Variants in FIG4 observed in about 807,000 individuals in gnomAD.
The protein encoded by FIG4 is polyphosphoinositide phosphatase.
A neutral mutation model predicts 118.6 loss-of-function variants in FIG4; 112 were observed. The ratio of observed to expected loss-of-function variants is 0.94; its 90% CI spans 0.81 to 1.11. FIG4 has a LOEUF of 1.11. FIG4 is among the 50% of genes least tolerant of loss of function. The probability of loss-of-function intolerance (pLI) is 0.00; values close to 1 mark genes in which losing one functional copy is unlikely to be tolerated. For synonymous variants in FIG4, 369 were observed against 381.2 expected, an observed-to-expected ratio of 0.97 and a Z score of 0.37; for missense variants, 969 against 1,111.7, an observed-to-expected ratio of 0.87 and a Z score of 1.83.
chr6:109,738,620 A>G (rs1776232878), intron 7 of FIG4, among the ~76,000 whole-genome samples, 167 bp downstream of exon 7: 1 of 152,184 alleles, frequency 6.6e-6, no homozygotes, highest in Non-Finnish European at 1.5e-5. Flanking sequence ...AATGCAGACT[A>G]TTTGAACAGG....
chr6:109,797,434 A>T (rs1348813582), intron 22 of FIG4, among the ~76,000 whole-genome samples: 3 of 152,208 alleles, frequency 2.0e-5, no homozygotes, highest in Non-Finnish European at 4.4e-5. Flanking sequence ...ATGTACACAA[A>T]GTGCTTAGAG....
intron 18 of FIG4, 108 bp from the exon 19 acceptor site, chr6:109,789,486 A>T: frequency 1.2e-6 from 1 of 825,784 alleles, no homozygotes; most frequent in South Asian, 1.4e-5. Context: ...GTAATATGTA[A>T]CTCCTAGAGT....
At position 109,691,510 on chromosome 6, in the gene FIG4, C is replaced by T; in HGVS notation, c.66+9C>T. ...TGTATGAGACTAGAGCTGTGAGTACCCCCTCGCGGCGGGGCGCAGGCGGGA... is the reference window on the plus strand; with the variant it reads ...TGTATGAGACTAGAGCTGTGAGTACTCCCTCGCGGCGGGGCGCAGGCGGGA... On this transcript the variant is annotated intron_variant, in intron 1 of 22. Transcript: ENST00000230124. 2 of 1,569,292 alleles carry T rather than the reference C, an allele frequency of 1.3e-6. No homozygotes were observed. Among genetic ancestry groups the T allele is most frequent in the Non-Finnish European group, 8.6e-7 (1 of 1,156,596 alleles).
chr6:109,695,228 G>A (rs990272735), intron 1 of FIG4, among the ~76,000 whole-genome samples: 1 of 152,132 alleles, frequency 6.6e-6, no homozygotes, highest in African/African-American at 2.4e-5. Flanking sequence ...AAGAACCGAG[G>A]GTCCTGGGAA....
intron 21 of FIG4, among the ~76,000 whole-genome samples, 169 bp from the exon 22 acceptor site, chr6:109,796,596 G>A (rs773898892): frequency 1.6e-4 from 25 of 152,268 alleles, no homozygotes; most frequent in Non-Finnish European, 3.1e-4. Context: ...CTTTTAACAA[G>A]CCCACTTTAA....
chr6:109,701,481 A>G (rs570518996), intron 1 of FIG4, among the ~76,000 whole-genome samples: 2 of 152,386 alleles, frequency 1.3e-5, no homozygotes, highest in South Asian at 4.1e-4. Flanking sequence ...TGACCATTTC[A>G]TAACAAAGAA....
chr6:109,712,641 A>G (rs1485157185), intron 1 of FIG4, among the ~76,000 whole-genome samples: 1 of 152,160 alleles, frequency 6.6e-6, no homozygotes, highest in African/African-American at 2.4e-5. Flanking sequence ...ATGTTTTATC[A>G]TGATTTTTAG....
intron 10 of FIG4, among the ~76,000 whole-genome samples, chr6:109,744,492 G>A (rs967741336): frequency 4.6e-5 from 7 of 151,984 alleles, no homozygotes; most frequent in Non-Finnish European, 1.0e-4. Context: ...CAAGGGTGTT[G>A]TTATGTTATG....
chr6:109,789,455 T>C lies in FIG4; in HGVS notation c.2097-139T>C, dbSNP rs138373112. 5.3e-5 allele frequency: 37 copies of C among 700,376 alleles called. No homozygotes were observed. The East Asian group carries it at 8.2e-4, about 16-fold the overall frequency. 43.4% of individuals were successfully genotyped at this position (700,376 alleles called of 1,614,324 possible). A position where few individuals can be genotyped will look rare whatever the true frequency, so the allele number is the denominator to read the frequency against. ...CTGTTAATTCATGGTTTTATGTCCC[T>C]GACAAGTTGGCTCAGAATATGTAAT... On this transcript the variant is annotated intron_variant, in intron 18 of 22. Transcript: ENST00000230124.
intron 3 of FIG4, among the ~76,000 whole-genome samples, chr6:109,725,837 C>G (rs1266993578): frequency 6.6e-6 from 1 of 152,182 alleles, no homozygotes; most frequent in Non-Finnish European, 1.5e-5. Flanking sequence ...ATTTGCATTT[C>G]TTTAATGATA....
intron 22 of FIG4, among the ~76,000 whole-genome samples, chr6:109,803,322 ATTCT>A (rs1407092666): frequency 2.6e-5 from 4 of 152,216 alleles, no homozygotes; most frequent in African/African-American, 9.6e-5. Context: ...GAGATGGGGT[ATTCT>A]TTTACAAAGG....
intron 20 of FIG4, among the ~76,000 whole-genome samples, chr6:109,792,227 G>C (rs1396147172): frequency 6.6e-6 from 1 of 152,168 alleles, no homozygotes. Flanking sequence ...ATGTGACTAC[G>C]TTTGCACTAT....
At chr6:109,822,411 A>G (rs1264737559) in intron 22 of FIG4, among the ~76,000 whole-genome samples, 1 of 152,170 alleles carries the variant, frequency 6.6e-6, no homozygotes, top group Non-Finnish European at 1.5e-5. Context: ...TAGTTTTTCT[A>G]TGATAAATAT....
intron 2 of FIG4, among the ~76,000 whole-genome samples, chr6:109,715,504 C>T (rs12204548): frequency 0.34 from 51,643 of 151,916 alleles, 9,320 homozygotes; most frequent in South Asian, 0.44. Context: ...GCCAAAGAGA[C>T]GATCTGTTAT....
chr6:109,717,209 G>A (rs1358543675), intron 3 of FIG4, among the ~76,000 whole-genome samples: 2 of 152,146 alleles, frequency 1.3e-5, no homozygotes, highest in East Asian at 3.9e-4. Flanking sequence ...TCTGAACACA[G>A]TAGTCCATAG....
intron 22 of FIG4, among the ~76,000 whole-genome samples, chr6:109,821,017 T>C (rs1030357275): frequency 1.7e-4 from 26 of 152,136 alleles, no homozygotes; most frequent in African/African-American, 5.3e-4. Context: ...ACAGAAGGGG[T>C]TCACCCAATT....
At chr6:109,785,766 TA>T in intron 17 of FIG4, 4 of 465,586 alleles carry the variant, frequency 8.6e-6, no homozygotes, top group South Asian at 6.2e-5. Context: ...GGGAAGGCCA[TA>T]AAGTAAGATT....
chr6:109,815,360 C>G (rs1448408648), intron 22 of FIG4, among the ~76,000 whole-genome samples: 1 of 151,840 alleles, frequency 6.6e-6, no homozygotes, highest in Non-Finnish European at 1.5e-5. Flanking sequence ...CCTGCTTGGG[C>G]TCTGACATAC....
rs542266820 is a variant in FIG4 at position 109,803,508 on chromosome 6, G to A, written c.2546+6657G>A. ...AGGTAGTGAGTTTCAGACAATAATG[G>A]GAAACCTAAGATGATATGTCTGGGC... On this transcript the variant is annotated intron_variant, in intron 22 of 22. Coordinates refer to ENST00000230124, the MANE Select transcript of FIG4 (RefSeq NM_014845.6). Among the ~76,000 whole-genome samples the A allele has an allele frequency of 6.6e-5, 10 of 152,258 alleles. No individual in the cohort carries two copies. In the South Asian group the frequency reaches 2.1e-3, roughly 32 times the overall value.
Sources: allele counts gnomAD v4.1 joint callset (sites outside exome capture counted in the v4.1 genomes callset), GRCh38; gene constraint gnomAD v4.1.1; transcripts MANE v1.5; gene names NCBI Gene and HGNC (gene_info 2026-07-23, HGNC 2026-07-21).